LRBA: variants seen among roughly 807,000 people sequenced by gnomAD.
LRBA encodes LPS responsive beige-like anchor protein, also known as lipopolysaccharide-responsive and beige-like anchor protein.
A neutral mutation model predicts 330.0 loss-of-function variants in LRBA; 176 were observed. The ratio of observed to expected loss-of-function variants is 0.53; its 90% CI spans 0.47 to 0.60. The LOEUF is 0.60. LRBA is among the 20% of genes least tolerant of loss of function. The pLI is 0.00. For missense variants in LRBA, 3,259 were observed against 3,444.8 expected (o/e 0.95, Z 1.35); for synonymous variants, 1,230 against 1,193.0 (o/e 1.03, Z -0.64).
intron 36 of LRBA, among the ~76,000 whole-genome samples, chr4:150,719,077 C>T (rs550775220): frequency 1.3e-5 from 2 of 152,156 alleles, no homozygotes. Flanking sequence ...CATAAGGATT[C>T]ATGAAATATT....
intron 40 of LRBA, among the ~76,000 whole-genome samples, chr4:150,553,177 T>C (rs980101475): frequency 1.4e-4 from 21 of 152,186 alleles, no homozygotes; most frequent in Non-Finnish European, 2.5e-4. Flanking sequence ...GGGACATGGA[T>C]GAAGCTGGAA....
chr4:150,372,289 C>A (rs1379879111), intron 47 of LRBA, among the ~76,000 whole-genome samples: 1 of 151,964 alleles, frequency 6.6e-6, no homozygotes, highest in Non-Finnish European at 1.5e-5. Context: ...AACCACTACA[C>A]CGTATTTTAT....
Position 150,277,975 on chromosome 4 carries a change from G to A in LRBA, c.8346C>T (p.Tyr2782=). 6.2e-7 allele frequency: 1 copy of A among 1,614,030 alleles called. No homozygotes were observed. The change falls in exon 56 of 57, where the codon TAC becomes TAT. Residue 2782 remains tyrosine (Y), a synonymous_variant. Transcript: ENST00000651943. ...RAIQLSRDGQ[Y]LLTGGDRGVV... Reference sequence around the variant, plus strand: ...CTCCTCTGTCTCCTCCTGTGAGCAGGTACTGCCCATCTCGGCTCAGCTGGA... The same window carrying A: ...CTCCTCTGTCTCCTCCTGTGAGCAGATACTGCCCATCTCGGCTCAGCTGGA...
rs1185492177 is a variant in LRBA at position 150,436,740 on chromosome 4, G to A, written c.6905C>T (p.Ala2302Val). 6.2e-7 allele frequency: 1 copy of A among 1,612,566 alleles called. No individual in the cohort carries two copies. The highest frequency in any genetic ancestry group is 1.7e-5 in the Admixed American group (1 of 59,876). The stretch of plus-strand genomic sequence containing the variant: ...TGAACTTACTATTCTTAGCAGCCAT[G>A]CAAGAACAAAACTTGCAGTTGAGTA... ...THYSTASFVLAWLLRIEPFTT... is the reference protein window; with the variant it reads ...THYSTASFVLVWLLRIEPFTT... Residue 2302 changes from alanine (A) to valine (V), a missense_variant, in exon 45 of 57, where the codon GCA (alanine) becomes GTA (valine). Ala to Val is a moderately conservative substitution (Grantham distance 64, BLOSUM62 0). Transcript: ENST00000651943.
intron 47 of LRBA, among the ~76,000 whole-genome samples, 185 bp from the exon 48 acceptor site, chr4:150,350,344 G>A (rs1452771014): frequency 6.6e-6 from 1 of 152,158 alleles, no homozygotes; most frequent in Non-Finnish European, 1.5e-5. Flanking sequence ...GGCCGAGGTG[G>A]GCAGACCATG....
At chr4:150,371,181 A>ATTTTTTTTTTTTTTTTTTTTTT (rs1274384749) in intron 47 of LRBA, among the ~76,000 whole-genome samples, 2 of 136,818 alleles carry the variant, frequency 1.5e-5, no homozygotes, top group African/African-American at 6.4e-5. Flanking sequence ...CAAGCTACTA[A>ATTTTTTTTTTTTTTTTTTTTTT]ATTTTTTTTT....
Position 150,310,387 on chromosome 4 carries a change from G to C in LRBA, c.7694-3C>G. ...CCTGTGCATTCCTGTATTGCTGGCTGTAAGAATAGGGAGGAAAAACAACTA... is the reference window on the plus strand; with the variant it reads ...CCTGTGCATTCCTGTATTGCTGGCTCTAAGAATAGGGAGGAAAAACAACTA... On this transcript the variant is annotated splice_polypyrimidine_tract_variant and splice_region_variant and intron_variant, in intron 51 of 56. Coordinates refer to ENST00000651943, the MANE Select transcript of LRBA (RefSeq NM_001364905.1). The C allele has an allele frequency of 6.2e-7, 1 of 1,610,328 alleles. No individual in the cohort carries two copies. The highest frequency in any genetic ancestry group is 1.1e-5 in the South Asian group (1 of 90,498).
chr4:150,980,438 CACT>C (rs1252747444), intron 2 of LRBA, among the ~76,000 whole-genome samples: 3 of 152,180 alleles, frequency 2.0e-5, no homozygotes, highest in Non-Finnish European at 4.4e-5. Flanking sequence ...CCACTATCAC[CACT>C]GTTATTAAAC....
At chr4:150,481,684 G>T (rs888128796) in intron 42 of LRBA, among the ~76,000 whole-genome samples, 2 of 151,992 alleles carry the variant, frequency 1.3e-5, no homozygotes, top group South Asian at 4.1e-4. Flanking sequence ...TATGGAGCCC[G>T]TAATGTTTAA....
intron 44 of LRBA, among the ~76,000 whole-genome samples, chr4:150,448,822 A>AG (rs56679836): frequency 3.4e-4 from 13 of 38,656 alleles, no homozygotes; most frequent in African/African-American, 1.5e-3. Context: ...AAAAAAAAAA[A>AG]GGGGGGGGGG....
chr4:150,921,534 T>C (rs1733273682), intron 4 of LRBA, among the ~76,000 whole-genome samples: 1 of 152,156 alleles, frequency 6.6e-6, no homozygotes, highest in African/African-American at 2.4e-5. Flanking sequence ...ATTAGACACC[T>C]GAAACTCTTC....
Position 150,857,013 on chromosome 4 carries a change from T to C in LRBA, c.2767-4070A>G, listed in dbSNP as rs532259903. Among the ~76,000 whole-genome samples the C allele has an allele frequency of 9.8e-5, 15 of 152,296 alleles. No homozygotes were observed. In the South Asian group the frequency reaches 3.1e-3, roughly 32 times the overall value. ...CTTTTTAATCTATACATTAAAACCG[T>C]ATAACCTGTAAAATTTAGACATTTT... On this transcript the variant is annotated intron_variant, in intron 22 of 56. Coordinates refer to ENST00000651943, the MANE Select transcript of LRBA (RefSeq NM_001364905.1).
chr4:150,830,064 A>G (rs2126819083), intron 29 of LRBA, among the ~76,000 whole-genome samples: 1 of 152,248 alleles, frequency 6.6e-6, no homozygotes, highest in East Asian at 1.9e-4. Context: ...CCAACCCACC[A>G]TAACCTCTTG....
chr4:150,471,332 T>C (rs180754752), intron 43 of LRBA, among the ~76,000 whole-genome samples: 3 of 152,230 alleles, frequency 2.0e-5, no homozygotes, highest in Admixed American at 2.0e-4. Context: ...TCCCACCAAC[T>C]GGGTGAATAT....
chr4:151,012,156 C>G (rs1554019666), intron 2 of LRBA, among the ~76,000 whole-genome samples: 1 of 152,198 alleles, frequency 6.6e-6, no homozygotes, highest in Non-Finnish European at 1.5e-5. Context: ...TCTTCTCTCT[C>G]CTTCTATCCA....
intron 37 of LRBA, among the ~76,000 whole-genome samples, chr4:150,613,068 A>G (rs1044754706): frequency 3.3e-5 from 5 of 152,360 alleles, no homozygotes; most frequent in African/African-American, 1.2e-4. Flanking sequence ...AAAATGAGAT[A>G]TGAAAGATAA....
intron 40 of LRBA, among the ~76,000 whole-genome samples, chr4:150,521,198 T>C (rs1762887441): frequency 1.3e-5 from 2 of 152,138 alleles, no homozygotes; most frequent in South Asian, 4.1e-4. Context: ...TTCTAGTTTT[T>C]TAAAGTTGAT....
chr4:150,854,974 G>T (rs146507247), intron 22 of LRBA, among the ~76,000 whole-genome samples: 1 of 152,100 alleles, frequency 6.6e-6, no homozygotes, highest in Admixed American at 6.6e-5. Context: ...TAAAAGATCA[G>T]TGGCTGGGCA....
At chr4:150,803,199 AACTATT>A (rs1741994682) in intron 33 of LRBA, among the ~76,000 whole-genome samples, 1 of 151,538 alleles carries the variant, frequency 6.6e-6, no homozygotes, top group Non-Finnish European at 1.5e-5. Flanking sequence ...GACATTAAGA[AACTATT>A]ACTATTATTA....
Sources: allele counts gnomAD v4.1 joint callset (sites outside exome capture counted in the v4.1 genomes callset), GRCh38; gene constraint gnomAD v4.1.1; transcripts MANE v1.5; gene names NCBI Gene and HGNC (gene_info 2026-07-23, HGNC 2026-07-21).